CNTNAP2: variants seen among roughly 807,000 people sequenced by gnomAD.
CNTNAP2 encodes the protein contactin associated protein 2, also known as contactin-associated protein-like 2.
Under a neutral mutation model 155.2 loss-of-function variants are expected in CNTNAP2, and 98 were observed. The ratio of observed to expected loss-of-function variants is 0.63; its 90% CI spans 0.54 to 0.75. The LOEUF (loss-of-function observed/expected upper bound fraction) is 0.75, where lower values mean the gene tolerates loss of function less well. Among genes scored for constraint, CNTNAP2 ranks in the 30% least tolerant of loss-of-function variants. The pLI is 0.00. For missense variants in CNTNAP2, 1,727 were observed against 1,688.1 expected (o/e 1.02, Z -0.40); for synonymous variants, 651 against 631.2 (o/e 1.03, Z -0.47).
At chr7:147,315,402 A>G (rs1795207036) in intron 9 of CNTNAP2, among the ~76,000 whole-genome samples, 1 of 150,392 alleles carries the variant, frequency 6.6e-6, no homozygotes, top group Non-Finnish European at 1.5e-5. Flanking sequence ...ATTCTTCCAC[A>G]AAACCCCAAA....
chr7:146,349,535 G>A (rs1037629089), intron 1 of CNTNAP2, among the ~76,000 whole-genome samples: 6 of 152,108 alleles, frequency 3.9e-5, no homozygotes, highest in African/African-American at 7.2e-5. Context: ...TATTTTGCTC[G>A]TTAGTTGACG....
chr7:148,029,344 AT>A (rs1802428150), intron 15 of CNTNAP2, among the ~76,000 whole-genome samples: 1 of 152,186 alleles, frequency 6.6e-6, no homozygotes. Context: ...GTGGCAGAAA[AT>A]ATGGAATTTT....
intron 1 of CNTNAP2, among the ~76,000 whole-genome samples, chr7:146,214,788 A>C (rs1264491103): frequency 6.6e-6 from 1 of 152,196 alleles, no homozygotes; most frequent in African/African-American, 2.4e-5. Flanking sequence ...TAACCCCAGA[A>C]AAATAACATT....
At chr7:146,326,951 A>G (rs1218308551) in intron 1 of CNTNAP2, among the ~76,000 whole-genome samples, 1 of 152,182 alleles carries the variant, frequency 6.6e-6, no homozygotes, top group Non-Finnish European at 1.5e-5. Flanking sequence ...CAAATAAGTA[A>G]TCTGATATAT....
chr7:147,004,851 A>C (rs1265338319), intron 3 of CNTNAP2, among the ~76,000 whole-genome samples: 1 of 152,102 alleles, frequency 6.6e-6, no homozygotes, highest in Admixed American at 6.6e-5. Context: ...AAAACGAATC[A>C]ACTAGATAAT....
At chr7:147,697,482 C>G (rs79105401) in intron 13 of CNTNAP2, among the ~76,000 whole-genome samples, 1 of 152,064 alleles carries the variant, frequency 6.6e-6, no homozygotes, top group Non-Finnish European at 1.5e-5. Flanking sequence ...TTTCAACATC[C>G]CTACCATATC....
At chr7:146,472,790 G>A (rs1233135793) in intron 1 of CNTNAP2, among the ~76,000 whole-genome samples, 1 of 151,752 alleles carries the variant, frequency 6.6e-6, no homozygotes, top group Non-Finnish European at 1.5e-5. Context: ...GCTGAGAGTC[G>A]AATTAGTTTG....
chr7:147,311,802 T>G (rs1359419509), intron 9 of CNTNAP2, among the ~76,000 whole-genome samples: 3 of 152,184 alleles, frequency 2.0e-5, no homozygotes, highest in Admixed American at 2.0e-4. Context: ...GCATACTTAC[T>G]TTTTTGAACT....
At chr7:146,141,232 A>G (rs546398913) in intron 1 of CNTNAP2, among the ~76,000 whole-genome samples, 2 of 152,296 alleles carry the variant, frequency 1.3e-5, no homozygotes, top group African/African-American at 4.8e-5. Context: ...TCGTTGTTAT[A>G]TTGAAGGTGA....
At chr7:147,540,252 G>A (rs1016263179) in intron 11 of CNTNAP2, among the ~76,000 whole-genome samples, 1 of 151,984 alleles carries the variant, frequency 6.6e-6, no homozygotes, top group Non-Finnish European at 1.5e-5. Context: ...AGACCCCCCA[G>A]AACATCACAC....
chr7:146,150,845 T>A (rs1798026162), intron 1 of CNTNAP2, among the ~76,000 whole-genome samples: 1 of 152,116 alleles, frequency 6.6e-6, no homozygotes, highest in Non-Finnish European at 1.5e-5. Context: ...GTAATGAGAA[T>A]ATTTAAGATT....
chr7:146,978,641 A>G (rs746883955), intron 3 of CNTNAP2, among the ~76,000 whole-genome samples: 2 of 151,994 alleles, frequency 1.3e-5, no homozygotes, highest in African/African-American at 4.8e-5. Flanking sequence ...TCATTTTGCT[A>G]AACATGGGAC....
chr7:146,476,620 G>A (rs527390840), intron 1 of CNTNAP2, among the ~76,000 whole-genome samples: 2 of 152,216 alleles, frequency 1.3e-5, no homozygotes, highest in African/African-American at 4.8e-5. Flanking sequence ...GTCTGCTAGA[G>A]TACAGATGAA....
At chr7:146,691,066 G>A (rs1384981036) in intron 1 of CNTNAP2, among the ~76,000 whole-genome samples, 1 of 152,102 alleles carries the variant, frequency 6.6e-6, no homozygotes. Flanking sequence ...ATACCTGCAT[G>A]TTATATGATG....
chr7:147,697,318 A>G (rs964899986), intron 13 of CNTNAP2, among the ~76,000 whole-genome samples: 1 of 152,148 alleles, frequency 6.6e-6, no homozygotes, highest in African/African-American at 2.4e-5. Flanking sequence ...CATATTAATT[A>G]TACTTTAAAA....
At chr7:146,696,690 C>T (rs944910825) in intron 1 of CNTNAP2, among the ~76,000 whole-genome samples, 1 of 152,088 alleles carries the variant, frequency 6.6e-6, no homozygotes, top group Non-Finnish European at 1.5e-5. Flanking sequence ...CTGGTTTTGT[C>T]GCATCCCACA....
chr7:146,933,335 G>A (rs553327387), intron 3 of CNTNAP2, among the ~76,000 whole-genome samples: 1 of 151,866 alleles, frequency 6.6e-6, no homozygotes, highest in African/African-American at 2.4e-5. Flanking sequence ...CAGGCAATGG[G>A]GAAAGGATTC....
At chr7:147,663,038 G>T (rs374341328) in intron 13 of CNTNAP2, among the ~76,000 whole-genome samples, 63 of 152,120 alleles carry the variant, frequency 4.1e-4, no homozygotes, top group African/African-American at 1.5e-3. Flanking sequence ...TCGCTCTGTC[G>T]CCCAGGCTGG....
At chr7:148,346,570 G>A (rs1395219027) in intron 21 of CNTNAP2, among the ~76,000 whole-genome samples, 4 of 145,090 alleles carry the variant, frequency 2.8e-5, no homozygotes, top group East Asian at 1.9e-4. Flanking sequence ...TCAGGAGTTC[G>A]AGACCAGCCC....
Sources: allele counts gnomAD v4.1 joint callset (sites outside exome capture counted in the v4.1 genomes callset), GRCh38; gene constraint gnomAD v4.1.1; transcripts MANE v1.5; gene names NCBI Gene and HGNC (gene_info 2026-07-23, HGNC 2026-07-21).